CLOCK: variants seen among roughly 807,000 people sequenced by gnomAD.
The protein encoded by CLOCK is clock circadian regulator, also known as circadian locomoter output cycles protein kaput.
CLOCK carries 43 observed loss-of-function variants against 118.4 expected under a neutral mutation model. The ratio of observed to expected loss-of-function variants is 0.36; its 90% CI spans 0.28 to 0.47. The LOEUF (loss-of-function observed/expected upper bound fraction) is 0.47. Ranked by LOEUF, CLOCK falls within the 20% of genes least tolerant of loss-of-function variation. The pLI, the probability that CLOCK is intolerant of heterozygous loss-of-function variation, is 1.00. For missense variants in CLOCK, 846 were observed against 999.9 expected (o/e 0.85, Z 2.08); for synonymous variants, 326 against 339.2 (o/e 0.96, Z 0.43).
intron 1 of CLOCK, among the ~76,000 whole-genome samples, chr4:55,539,372 A>C (rs927556083): frequency 1.3e-5 from 2 of 152,110 alleles, no homozygotes; most frequent in Non-Finnish European, 2.9e-5. Context: ...CCAGGAGTTC[A>C]AGAACAGCCG....
At chr4:55,546,268 G>A (rs1731616947) in intron 1 of CLOCK, among the ~76,000 whole-genome samples, 1 of 151,976 alleles carries the variant, frequency 6.6e-6, no homozygotes, top group Non-Finnish European at 1.5e-5. Context: ...CGGCCCCGCC[G>A]TGCACCCCAC....
Position 55,444,911 on chromosome 4 carries a change from C to T in CLOCK, c.1540-126G>A, listed in dbSNP as rs1005827795. On this transcript the variant is annotated intron_variant, in intron 18 of 22. Coordinates refer to ENST00000513440, the MANE Select transcript of CLOCK (RefSeq NM_004898.4). ...TGATAACATCCTTCACTAGTTATGT[C>T]CCTTAGTTTCTAATCCACCCATCTT... The T allele has an allele frequency of 8.4e-6, 8 of 953,888 alleles. No homozygotes were observed. The African/African-American group carries it at 1.3e-4, about 16-fold the overall frequency. The allele number at this position is 953,888 out of a possible 1,614,324, so 59.1% of individuals were successfully genotyped here. A position where few individuals can be genotyped will look rare whatever the true frequency, so the allele number is the denominator to read the frequency against.
chr4:55,474,974 C>T (rs1355744767), intron 7 of CLOCK, among the ~76,000 whole-genome samples: 1 of 152,190 alleles, frequency 6.6e-6, no homozygotes. Context: ...ATAATTTTGA[C>T]TTTCAAGTCT....
chr4:55,449,957 G>A (rs1008070884), intron 16 of CLOCK, 134 bp downstream of exon 16: 2 of 1,101,362 alleles, frequency 1.8e-6, no homozygotes, highest in Non-Finnish European at 2.6e-6. Flanking sequence ...TAACTCACTG[G>A]AAAGGTTACT....
chr4:55,479,749 C>T (rs757359230), intron 4 of CLOCK, 50 bp from the exon 5 acceptor site: 3 of 1,412,806 alleles, frequency 2.1e-6, no homozygotes, highest in Non-Finnish European at 3.0e-6. Flanking sequence ...TAAGCAACAG[C>T]AATACTAAAG....
intron 21 of CLOCK, 46 bp downstream of exon 21, chr4:55,442,386 A>C (rs760479305): frequency 1.3e-6 from 2 of 1,502,582 alleles, no homozygotes; most frequent in Admixed American, 3.4e-5. Context: ...TTTTCTAATC[A>C]ATCGGTTTAC....
intron 22 of CLOCK, among the ~76,000 whole-genome samples, chr4:55,437,892 A>G (rs1723014777): frequency 6.6e-6 from 1 of 152,262 alleles, no homozygotes; most frequent in Non-Finnish European, 1.5e-5. Context: ...AATTTAAGGT[A>G]ACACCTATAC....
At chr4:55,447,211 AT>A (rs1420977195) in intron 18 of CLOCK, among the ~76,000 whole-genome samples, 2 of 152,080 alleles carry the variant, frequency 1.3e-5, no homozygotes, top group Non-Finnish European at 2.9e-5. Context: ...TACTAAAAAT[AT>A]AAAAACTAGC....
At chr4:55,519,551 C>T (rs957543101) in intron 1 of CLOCK, among the ~76,000 whole-genome samples, 8 of 151,984 alleles carry the variant, frequency 5.3e-5, no homozygotes, top group Non-Finnish European at 1.5e-5. Context: ...CTTTGGGAGG[C>T]CAAGGTGGGC....
chr4:55,543,504 T>C (rs1450297143), intron 1 of CLOCK, among the ~76,000 whole-genome samples: 2 of 152,192 alleles, frequency 1.3e-5, no homozygotes, highest in Non-Finnish European at 2.9e-5. Flanking sequence ...AGTGTTACCC[T>C]TCAGTCAAGG....
In CLOCK at chr4:55,450,343, A is replaced by G. The variant is rs1232737923; in HGVS notation, c.1207-111T>C. The G allele has an allele frequency of 2.4e-6, 3 of 1,230,708 alleles. No individual in the cohort carries two copies. In the African/African-American group the frequency reaches 4.4e-5, roughly 18 times the overall value. The allele number at this position is 1,230,708 out of a possible 1,614,324, so 76.2% of individuals were successfully genotyped here. A position where few individuals can be genotyped will look rare whatever the true frequency, so the allele number is the denominator to read the frequency against. On this transcript the variant is annotated intron_variant, in intron 15 of 22. Transcript: ENST00000513440. ...ATCAGTTTTTGTCTATAACAAGGCA[A>G]AAGTACCTGTATGTACATACACATG...
At chr4:55,542,825 A>G (rs1731370962) in intron 1 of CLOCK, among the ~76,000 whole-genome samples, 1 of 152,158 alleles carries the variant, frequency 6.6e-6, no homozygotes, top group Non-Finnish European at 1.5e-5. Flanking sequence ...AGGAGTCTGC[A>G]AGCAAGTACA....
rs1180140294 is a variant in CLOCK, at chr4:55,457,518, ATAT to A, written c.793-1221_793-1219del. Among the ~76,000 whole-genome samples, 5 of 152,328 alleles carry A rather than the reference ATAT, an allele frequency of 3.3e-5. No homozygotes were observed. In the East Asian group the frequency reaches 9.6e-4, roughly 29 times the overall value. Reference sequence around the variant, plus strand: ...CCACAATTACCTTACCAATACTCAAATATTATATGACTTCCCTGCTAAAAAACC... The same window carrying A: ...CCACAATTACCTTACCAATACTCAAATATATGACTTCCCTGCTAAAAAACC... On this transcript the variant is annotated intron_variant, in intron 11 of 22. Coordinates refer to ENST00000513440, the MANE Select transcript of CLOCK (RefSeq NM_004898.4).
At chr4:55,443,308 CTACTAAAAATATGAAA>C (rs1245773662) in intron 20 of CLOCK, among the ~76,000 whole-genome samples, 1 of 151,918 alleles carries the variant, frequency 6.6e-6, no homozygotes, top group Non-Finnish European at 1.5e-5. Context: ...AACCCCATCT[CTACTAAAAATATGAAA>C]ATCAGCCTGG....
chr4:55,451,976 C>T (rs1406456352), intron 15 of CLOCK, among the ~76,000 whole-genome samples: 1 of 152,156 alleles, frequency 6.6e-6, no homozygotes, highest in Non-Finnish European at 1.5e-5. Context: ...CCCTGGAATG[C>T]TGCCTATTTA....
chr4:55,485,618 T>C (rs528523679), intron 3 of CLOCK, among the ~76,000 whole-genome samples: 2 of 152,142 alleles, frequency 1.3e-5, no homozygotes, highest in Non-Finnish European at 2.9e-5. Context: ...TAATCTAATA[T>C]AGAATACATT....
rs779397098 is a variant in CLOCK at position 55,448,858 on chromosome 4, G to A, written c.1460C>T (p.Ser487Phe). 3 of 1,613,340 alleles carry A rather than the reference G, an allele frequency of 1.9e-6. No homozygotes were observed. The South Asian group carries it at 3.3e-5, about 18-fold the overall frequency. ...TGTTAATGATGAACCAACAGACTGGGAATTTATGGACTAGAGCAAAATAAA... is the reference window on the plus strand; with the variant it reads ...TGTTAATGATGAACCAACAGACTGGAAATTTATGGACTAGAGCAAAATAAA... Reference protein sequence around the residue: ...RSSFSSQSINSQSVGSSLTQP... With the variant: ...RSSFSSQSINFQSVGSSLTQP... The change falls in exon 18 of 23, where the codon TCC becomes TTC. Residue 487 changes from serine (S) to phenylalanine (F), a missense_variant. Coordinates refer to ENST00000513440, the MANE Select transcript of CLOCK (RefSeq NM_004898.4).
chr4:55,535,405 T>A (rs1165313613), intron 1 of CLOCK, among the ~76,000 whole-genome samples: 1 of 152,200 alleles, frequency 6.6e-6, no homozygotes, highest in African/African-American at 2.4e-5. Flanking sequence ...GTATTCTGCA[T>A]ACCTTTAAAA....
At chr4:55,448,497 A>C (rs1423792478) in intron 18 of CLOCK, among the ~76,000 whole-genome samples, 4 of 152,100 alleles carry the variant, frequency 2.6e-5, no homozygotes, top group Non-Finnish European at 5.9e-5. Flanking sequence ...GATACCCCAC[A>C]ATCATTACAA....
Sources: gnomAD v4.1 joint callset for allele counts (sites outside exome capture counted in the v4.1 genomes callset) on GRCh38, gnomAD v4.1.1 for gene constraint, MANE v1.5 for transcripts, NCBI Gene and HGNC (gene_info 2026-07-23, HGNC 2026-07-21) for gene names.